CYFIP1: variants seen among roughly 807,000 people sequenced by gnomAD.
The protein encoded by CYFIP1 is cytoplasmic FMR1-interacting protein 1.
Under a neutral mutation model 163.5 loss-of-function variants are expected in CYFIP1, and 58 were observed. That is an observed-to-expected ratio of 0.35 (90% confidence interval 0.29 to 0.44). The LOEUF (loss-of-function observed/expected upper bound fraction) is 0.44, where lower values mean the gene tolerates loss of function less well. Among genes scored for constraint, CYFIP1 ranks in the 20% least tolerant of loss-of-function variants. CYFIP1 has a pLI of 1.00. For missense variants in CYFIP1, 1,338 were observed against 1,653.8 expected (o/e 0.81, Z 3.31); for synonymous variants, 663 against 660.7 (o/e 1.00, Z -0.05).
At chr15:22,952,659 CA>C (rs3083512) in intron 1 of CYFIP1, among the ~76,000 whole-genome samples, 28 of 45,678 alleles carry the variant, frequency 6.1e-4, no homozygotes, top group African/African-American at 1.5e-3. Context: ...GACTCCATCT[CA>C]AAAAAAAAAA....
At chr15:22,978,208 C>T (rs1301800084) in intron 1 of CYFIP1, among the ~76,000 whole-genome samples, 1 of 151,002 alleles carries the variant, frequency 6.6e-6, no homozygotes, top group Non-Finnish European at 1.5e-5. Flanking sequence ...AAAAATTAGC[C>T]GGGTGTGGTG....
rs557249402 is a variant in CYFIP1 at position 22,979,318 on chromosome 15, A to C, written c.-7+969T>G. Reference sequence around the variant, plus strand: ...CGGCCTGGCCGGGACTCTGCCGCCAAGCTGTCAAGCATAGCAATGTGCGCA... The same window carrying C: ...CGGCCTGGCCGGGACTCTGCCGCCACGCTGTCAAGCATAGCAATGTGCGCA... On this transcript the variant is annotated intron_variant, in intron 1 of 30. Coordinates refer to ENST00000617928, the MANE Select transcript of CYFIP1 (RefSeq NM_014608.6). Among the ~76,000 whole-genome samples, 43 of 152,278 alleles carry C rather than the reference A, an allele frequency of 2.8e-4. 1 individual carries two copies. The East Asian group carries it at 6.2e-3, about 22-fold the overall frequency.
chr15:22,964,274 C>CCACACACACACA lies in CYFIP1; in HGVS notation c.-7+16001_-7+16012dup, dbSNP rs60879784. The stretch of plus-strand genomic sequence containing the variant: ...TGCAGAGTGAGTCCACTCCTCCTCA[C>CCACACACACACA]CACACACACACACACACACACACAC... On this transcript the variant is annotated intron_variant, in intron 1 of 30. Coordinates refer to ENST00000617928, the MANE Select transcript of CYFIP1 (RefSeq NM_014608.6). Among the ~76,000 whole-genome samples the CCACACACACACA allele has an allele frequency of 1.5e-4, 15 of 97,178 alleles. No homozygotes were observed. In the East Asian group the frequency reaches 2.9e-3, roughly 19 times the overall value. 63.8% of individuals were successfully genotyped at this position (97,178 alleles called of 152,430 possible). A position where few individuals can be genotyped will look rare whatever the true frequency, so the allele number is the denominator to read the frequency against.
rs748717319 is a variant in CYFIP1, at chr15:22,869,282, C to A, written c.*746G>T. ...GGCCGTTTTACACCTCATTTGCCTG[C>A]GGAACCCTAAATATAAAGCTAAACC... On this transcript the variant is annotated 3_prime_UTR_variant, in exon 31 of 31. Transcript: ENST00000617928. The A allele has an allele frequency of 1.3e-5, 2 of 151,076 alleles. No individual in the cohort carries two copies. Among genetic ancestry groups the A allele is most frequent in the African/African-American group, 4.9e-5 (2 of 40,540 alleles). 9.4% of individuals were successfully genotyped at this position (151,076 alleles called of 1,614,324 possible). A position where few individuals can be genotyped will look rare whatever the true frequency, so the allele number is the denominator to read the frequency against.
intron 1 of CYFIP1, among the ~76,000 whole-genome samples, chr15:22,948,664 C>T (rs1254514083): frequency 6.6e-6 from 1 of 152,072 alleles, no homozygotes; most frequent in Non-Finnish European, 1.5e-5. Context: ...GACTTTAAAG[C>T]AACTACTGTG....
At position 22,882,963 on chromosome 15, in the gene CYFIP1, C is replaced by G. The variant is rs920415037; in HGVS notation, c.2725G>C (p.Val909Leu). The change falls in exon 24 of 31, where the codon GTG becomes CTG. Residue 909 changes from valine to leucine, a missense_variant. Val to Leu is a conservative substitution (Grantham distance 32). Coordinates refer to ENST00000617928, the MANE Select transcript of CYFIP1 (RefSeq NM_014608.6). Reference sequence around the variant, plus strand: ...ATGACTTGAAAGTGTGGAGGTCCCACGAAGTTCCGGTAGCTGCCGTAAATG... The same window carrying G: ...ATGACTTGAAAGTGTGGAGGTCCCAGGAAGTTCCGGTAGCTGCCGTAAATG... ...SSIYGSYRNF[V>L]GPPHFQVICR... is the part of the protein sequence containing the mutation. 5.0e-6 allele frequency: 8 copies of G among 1,614,016 alleles called. No homozygotes were observed. Among genetic ancestry groups the G allele is most frequent in the Non-Finnish European group, 6.8e-6 (8 of 1,179,954 alleles).
At chr15:22,877,940 G>A (rs964374964) in intron 26 of CYFIP1, among the ~76,000 whole-genome samples, 24 of 152,236 alleles carry the variant, frequency 1.6e-4, no homozygotes, top group African/African-American at 5.8e-4. Flanking sequence ...CGCACAGGCT[G>A]GTGTGAGGCG....
chr15:22,934,397 GGATGGTCTCAATCTCC>G (rs1339912298), intron 9 of CYFIP1, among the ~76,000 whole-genome samples: 2 of 149,092 alleles, frequency 1.3e-5, no homozygotes, highest in African/African-American at 4.9e-5. Context: ...GTGTTAGCCA[GGATGGTCTCAATCTCC>G]TGACCTCGTG....
In CYFIP1 at chr15:22,932,324, A is replaced by C. The variant is rs2061564760; in HGVS notation, c.1009T>G (p.Ser337Ala). 19 of 1,607,874 alleles carry C rather than the reference A, an allele frequency of 1.2e-5. No homozygotes were observed. Among genetic ancestry groups the C allele is most frequent in the Non-Finnish European group, 1.4e-5 (17 of 1,177,480 alleles). ...ENKSRWTCTS[S>A]GSSPQYNICE... The stretch of plus-strand genomic sequence containing the variant: ...ATGTTGTACTGAGGGCTGCTGCCGG[A>C]GGATGTGCACGTCCATCTGTGCAGA... The change falls in exon 11 of 31, where the codon TCC (serine) becomes GCC (alanine). Residue 337 changes from serine to alanine, a missense_variant. Coordinates refer to ENST00000617928, the MANE Select transcript of CYFIP1 (RefSeq NM_014608.6).
At chr15:22,875,753 C>G (rs999642098) in intron 26 of CYFIP1, among the ~76,000 whole-genome samples, 2 of 151,756 alleles carry the variant, frequency 1.3e-5, no homozygotes, top group African/African-American at 4.9e-5. Context: ...GTGGCCTACC[C>G]TGGTGTCCAC....
intron 30 of CYFIP1, among the ~76,000 whole-genome samples, chr15:22,870,994 A>G (rs1043217613): frequency 1.4e-5 from 2 of 145,122 alleles, no homozygotes; most frequent in Non-Finnish European, 2.9e-5. Context: ...GGGCCTCCTC[A>G]GGGGCAGATG....
At chr15:22,956,090 C>T (rs2062440174) in intron 1 of CYFIP1, among the ~76,000 whole-genome samples, 1 of 151,990 alleles carries the variant, frequency 6.6e-6, no homozygotes, top group African/African-American at 2.4e-5. Flanking sequence ...GCCTGTAATC[C>T]CAGCTACTTG....
chr15:22,871,036 G>A (rs569105390), intron 30 of CYFIP1, among the ~76,000 whole-genome samples: 79 of 152,296 alleles, frequency 5.2e-4, no homozygotes, highest in African/African-American at 1.7e-3. Flanking sequence ...GGAGCAGCCC[G>A]GGCGTAAGCA....
chr15:22,942,800 G>T (rs919653985), intron 6 of CYFIP1, among the ~76,000 whole-genome samples: 1 of 152,180 alleles, frequency 6.6e-6, no homozygotes, highest in Non-Finnish European at 1.5e-5. Context: ...AACGCCCAAG[G>T]TAGGCTGCAG....
At chr15:22,958,126 G>A (rs993893773) in intron 1 of CYFIP1, among the ~76,000 whole-genome samples, 6 of 146,422 alleles carry the variant, frequency 4.1e-5, no homozygotes, top group East Asian at 3.9e-4. Flanking sequence ...ATGGAGTCTC[G>A]TTCTTGTCAC....
rs144624783 is a variant in CYFIP1 at position 22,900,017 on chromosome 15, C to G, written c.2588+3689G>C. Among the ~76,000 whole-genome samples, 527 of 152,272 alleles carry G rather than the reference C, an allele frequency of 3.5e-3. 5 individuals are homozygous for G. The highest frequency in any genetic ancestry group is 5.8e-3 in the Non-Finnish European group (395 of 68,030). On this transcript the variant is annotated intron_variant, in intron 22 of 30. Coordinates refer to ENST00000617928, the MANE Select transcript of CYFIP1 (RefSeq NM_014608.6). Reference sequence around the variant, plus strand: ...CGAGACTGTACAACTGCACTCCAGCCTGGGTGGCAGAACGAGACTCCGTCG... The same window carrying G: ...CGAGACTGTACAACTGCACTCCAGCGTGGGTGGCAGAACGAGACTCCGTCG...
At chr15:22,870,493 G>A (rs1389343464) in intron 30 of CYFIP1, among the ~76,000 whole-genome samples, 2 of 151,978 alleles carry the variant, frequency 1.3e-5, no homozygotes, top group Non-Finnish European at 2.9e-5. Context: ...ATTTAATTTT[G>A]TAAAGACAAG....
intron 11 of CYFIP1, among the ~76,000 whole-genome samples, chr15:22,929,945 CA>C (rs1003732917): frequency 1.2e-4 from 10 of 81,232 alleles, no homozygotes; most frequent in East Asian, 7.5e-3. Flanking sequence ...CAAAAACAAA[CA>C]AAAAAAAGAC....
intron 22 of CYFIP1, among the ~76,000 whole-genome samples, chr15:22,903,241 G>A (rs1055281724): frequency 6.6e-6 from 1 of 152,154 alleles, no homozygotes; most frequent in Non-Finnish European, 1.5e-5. Flanking sequence ...CAGAATGACC[G>A]CCACCCGGTG....
Sources: allele counts gnomAD v4.1 joint callset (sites outside exome capture counted in the v4.1 genomes callset), GRCh38; gene constraint gnomAD v4.1.1; transcripts MANE v1.5; gene names NCBI Gene and HGNC (gene_info 2026-07-23, HGNC 2026-07-21).